Variants in F2R observed in about 807,000 individuals in gnomAD.
F2R encodes the protein proteinase-activated receptor 1.
F2R carries 12 observed loss-of-function variants against 18.3 expected under a neutral mutation model. That is an observed-to-expected ratio of 0.66 (90% CI 0.42 to 1.06). The LOEUF (loss-of-function observed/expected upper bound fraction) is 1.06, where lower values mean the gene tolerates loss of function less well. Ranked by LOEUF, F2R falls within the 50% of genes least tolerant of loss-of-function variation. The pLI is 0.00. For synonymous variants in F2R, 210 were observed against 219.9 expected, an observed-to-expected ratio of 0.95 and a Z score of 0.40; for missense variants, 438 against 530.8, an observed-to-expected ratio of 0.83 and a Z score of 1.72.
intron 1 of F2R, among the ~76,000 whole-genome samples, chr5:76,722,614 G>T (rs1748485718): frequency 6.6e-6 from 1 of 152,186 alleles, no homozygotes; most frequent in Admixed American, 6.5e-5. Context: ...GAGGAGAGGA[G>T]GCCTCTGATA....
At chr5:76,729,698 G>T (rs191321125) in intron 1 of F2R, among the ~76,000 whole-genome samples, 3 of 152,318 alleles carry the variant, frequency 2.0e-5, no homozygotes, top group Admixed American at 6.5e-5. Context: ...AGAGAAGGGG[G>T]ACAAGACGTC....
chr5:76,731,431 G>A (rs567186922), intron 1 of F2R, among the ~76,000 whole-genome samples: 150 of 151,674 alleles, frequency 9.9e-4, no homozygotes, highest in East Asian at 3.1e-3. Flanking sequence ...CCGAGATCGC[G>A]CCACTGTGCT....
intron 1 of F2R, among the ~76,000 whole-genome samples, chr5:76,728,800 C>T (rs1748618725): frequency 1.4e-5 from 2 of 146,792 alleles, no homozygotes; most frequent in African/African-American, 2.5e-5. Context: ...AAGCAATTCT[C>T]CTGCCTCAGC....
chr5:76,729,577 C>T (rs563714802), intron 1 of F2R, among the ~76,000 whole-genome samples: 1 of 152,258 alleles, frequency 6.6e-6, no homozygotes, highest in East Asian at 1.9e-4. Flanking sequence ...AAATTACTGC[C>T]CAGACAATGT....
At chr5:76,721,349 T>C (rs1748450748) in intron 1 of F2R, among the ~76,000 whole-genome samples, 1 of 152,210 alleles carries the variant, frequency 6.6e-6, no homozygotes. Context: ...AATAGCTCTG[T>C]CTATATACTG....
chr5:76,722,171 C>G (rs911696852), intron 1 of F2R, among the ~76,000 whole-genome samples: 3 of 152,206 alleles, frequency 2.0e-5, no homozygotes, highest in Non-Finnish European at 2.9e-5. Flanking sequence ...GTACAACTCA[C>G]AGTATTTTGT....
intron 1 of F2R, among the ~76,000 whole-genome samples, chr5:76,720,754 C>A (rs562856816): frequency 9.2e-5 from 14 of 152,086 alleles, no homozygotes; most frequent in Non-Finnish European, 1.6e-4. Flanking sequence ...TCAATAGAAT[C>A]ATATAATATG....
At chr5:76,720,736 AT>A (rs1432586486) in intron 1 of F2R, among the ~76,000 whole-genome samples, 1 of 152,058 alleles carries the variant, frequency 6.6e-6, no homozygotes, top group Non-Finnish European at 1.5e-5. Context: ...TATTTTTGAT[AT>A]TTCATATCAA....
In F2R at chr5:76,733,154, G is replaced by A. The variant is rs753091887; in HGVS notation, c.929G>A (p.Arg310Gln). 3 of 1,614,044 alleles carry A rather than the reference G, an allele frequency of 1.9e-6. No individual in the cohort carries two copies. The highest frequency in any genetic ancestry group is 2.5e-6 in the Non-Finnish European group (3 of 1,180,038). Reference protein sequence around the residue: ...SAVANRSKKSRALFLSAAVFC... With the variant: ...SAVANRSKKSQALFLSAAVFC... ...GTTGCCAACCGCAGCAAGAAGTCCC[G>A]GGCTTTGTTCCTGTCAGCTGCTGTT... Residue 310 changes from arginine (R) to glutamine (Q), a missense_variant, in exon 2 of 2, where the codon CGG becomes CAG. By Grantham distance (43) the Arg-to-Gln change is conservative. Coordinates refer to ENST00000319211, the MANE Select transcript of F2R (RefSeq NM_001992.5).
At position 76,733,449 on chromosome 5, in the gene F2R, G is replaced by A. The variant is rs1394811024; in HGVS notation, c.1224G>A (p.Met408Ile). The A allele has an allele frequency of 1.9e-6, 3 of 1,614,116 alleles. No homozygotes were observed. Among genetic ancestry groups the A allele is most frequent in the South Asian group, 1.1e-5 (1 of 91,076 alleles). Residue 408 changes from methionine (M) to isoleucine (I), a missense_variant, in exon 2 of 2, where the codon ATG (methionine) becomes ATA (isoleucine). Physicochemically the swap from Met to Ile is conservative, Grantham distance 10 (BLOSUM62 1). Transcript: ENST00000319211. Reference protein sequence around the residue: ...NSSGQLMASKMDTCSSNLNNS... With the variant: ...NSSGQLMASKIDTCSSNLNNS... ...GTGGGCAGTTGATGGCAAGTAAAAT[G>A]GATACCTGCTCTAGTAACCTGAATA...
intron 1 of F2R, among the ~76,000 whole-genome samples, chr5:76,723,185 G>T (rs534780068): frequency 1.3e-5 from 2 of 152,216 alleles, no homozygotes; most frequent in South Asian, 4.2e-4. Context: ...CCAAGCTTTG[G>T]GCATCATCAC....
intron 1 of F2R, among the ~76,000 whole-genome samples, chr5:76,727,952 A>T (rs1277178883): frequency 6.8e-6 from 1 of 146,476 alleles, no homozygotes; most frequent in Non-Finnish European, 1.5e-5. Context: ...CAATGGTGTG[A>T]TGATACCTCA....
chr5:76,734,064 A>G lies in F2R; in HGVS notation c.*561A>G, dbSNP rs1430226943. On this transcript the variant is annotated 3_prime_UTR_variant, in exon 2 of 2. Coordinates refer to ENST00000319211, the MANE Select transcript of F2R (RefSeq NM_001992.5). ...AAGGTTTAAGTTATTAAGAGGTAAG[A>G]CTTAGTACTATCTGTGCGTAGAAGT... 1 of 153,822 alleles carries G rather than the reference A, an allele frequency of 6.5e-6. No homozygotes were observed. Among genetic ancestry groups the G allele is most frequent in the Admixed American group, 6.4e-5 (1 of 15,534 alleles). 9.5% of individuals were successfully genotyped at this position (153,822 alleles called of 1,614,324 possible). A position where few individuals can be genotyped will look rare whatever the true frequency, so the allele number is the denominator to read the frequency against.
intron 1 of F2R, 146 bp downstream of exon 1, chr5:76,716,541 C>T (rs1561625488): frequency 1.3e-6 from 1 of 775,938 alleles, no homozygotes; most frequent in Admixed American, 3.3e-5. Flanking sequence ...GAGTTTTTTC[C>T]AGTCACGTTT....
At chr5:76,719,854 G>T (rs1748415032) in intron 1 of F2R, among the ~76,000 whole-genome samples, 1 of 152,184 alleles carries the variant, frequency 6.6e-6, no homozygotes, top group Non-Finnish European at 1.5e-5. Context: ...TTTATGCACG[G>T]ACTGTGGTAT....
intron 1 of F2R, among the ~76,000 whole-genome samples, chr5:76,721,299 C>T (rs1311245168): frequency 6.6e-6 from 1 of 152,042 alleles, no homozygotes; most frequent in Non-Finnish European, 1.5e-5. Flanking sequence ...TTCATTCTGC[C>T]TTTTTCTTTC....
chr5:76,733,008 C>A lies in F2R; in HGVS notation c.783C>A (p.Thr261=). 6.2e-7 allele frequency: 1 copy of A among 1,614,164 alleles called. No individual in the cohort carries two copies. Among genetic ancestry groups the A allele is most frequent in the African/African-American group, 1.3e-5 (1 of 75,034 alleles). The change falls in exon 2 of 2, where the codon ACC becomes ACA. Residue 261 remains threonine, a synonymous_variant. Coordinates refer to ENST00000319211, the MANE Select transcript of F2R (RefSeq NM_001992.5). ...CCTGTCATGATGTGCTCAATGAAAC[C>A]CTGCTCGAAGGCTACTATGCCTACT... ...ITTCHDVLNE[T]LLEGYYAYYF...
chr5:76,726,571 C>G (rs753482022), intron 1 of F2R, among the ~76,000 whole-genome samples: 2 of 151,014 alleles, frequency 1.3e-5, no homozygotes, highest in African/African-American at 4.9e-5. Context: ...CATGGCGGTG[C>G]GTGCTTGTAA....
rs553259607 is a variant in F2R, at chr5:76,717,875, G to C, written c.88+1480G>C. Reference sequence around the variant, plus strand: ...CCTCATTAGGGAGTGAAGTCAAAGCGTACTGGTTTCTGCCAAGCTTCTTAC... The same window carrying C: ...CCTCATTAGGGAGTGAAGTCAAAGCCTACTGGTTTCTGCCAAGCTTCTTAC... On this transcript the variant is annotated intron_variant, in intron 1 of 1. Coordinates refer to ENST00000319211, the MANE Select transcript of F2R (RefSeq NM_001992.5). 2.0e-4 allele frequency among the ~76,000 whole-genome samples: 30 copies of C among 152,256 alleles called. 1 individual carries two copies. The highest frequency in any genetic ancestry group is 7.2e-4 in the Admixed American group (11 of 15,286).
Sources: allele counts gnomAD v4.1 joint callset (sites outside exome capture counted in the v4.1 genomes callset), GRCh38; gene constraint gnomAD v4.1.1; transcripts MANE v1.5; gene names NCBI Gene and HGNC (gene_info 2026-07-23, HGNC 2026-07-21).